Variants in RNF216 observed in about 807,000 individuals in gnomAD.
The protein encoded by RNF216 is ring finger protein 216, also known as E3 ubiquitin-protein ligase RNF216.
A neutral mutation model predicts 110.8 loss-of-function variants in RNF216; 72 were observed. That is an observed-to-expected ratio of 0.65 (90% CI 0.54 to 0.79). The LOEUF (loss-of-function observed/expected upper bound fraction) is 0.79, where lower values mean the gene tolerates loss of function less well. Among genes scored for constraint, RNF216 ranks in the 30% least tolerant of loss-of-function variants. The pLI is 0.00. For synonymous variants in RNF216, 495 were observed against 407.5 expected (o/e 1.21, Z -2.59); for missense variants, 1,342 against 1,141.2 (o/e 1.18, Z -2.54).
intron 13 of RNF216, among the ~76,000 whole-genome samples, chr7:5,706,268 T>C (rs184969748): frequency 6.6e-6 from 1 of 150,676 alleles, no homozygotes. Flanking sequence ...ATACAAAAAC[T>C]ACCCAATTAA....
rs561619816 is a variant in RNF216, at chr7:5,679,259, C to T, written c.2062-26749G>A. On this transcript the variant is annotated intron_variant, in intron 13 of 16. Coordinates refer to ENST00000389902, the MANE Select transcript of RNF216 (RefSeq NM_207111.4). ...ACAAGTGGTGGGACAGGCATCTGAACATGGCCATGCTGCTCCAGCCAGCCC... is the reference window on the plus strand; with the variant it reads ...ACAAGTGGTGGGACAGGCATCTGAATATGGCCATGCTGCTCCAGCCAGCCC... Among the ~76,000 whole-genome samples the T allele has an allele frequency of 7.2e-5, 11 of 152,316 alleles. No individual in the cohort carries two copies. In the South Asian group the frequency reaches 2.3e-3, roughly 32 times the overall value.
chr7:5,676,215 T>C (rs1335015519), intron 13 of RNF216, among the ~76,000 whole-genome samples: 1 of 152,106 alleles, frequency 6.6e-6, no homozygotes, highest in Non-Finnish European at 1.5e-5. Flanking sequence ...TTTTGCCATG[T>C]TGGTCAGGCT....
At chr7:5,769,794 T>C (rs1796398007) in intron 1 of RNF216, among the ~76,000 whole-genome samples, 1 of 151,236 alleles carries the variant, frequency 6.6e-6, no homozygotes, top group African/African-American at 2.4e-5. Context: ...CCCAGCACTT[T>C]GGGAGGCCAA....
chr7:5,655,564 C>A (rs1788687139), intron 13 of RNF216, among the ~76,000 whole-genome samples: 1 of 152,016 alleles, frequency 6.6e-6, no homozygotes, highest in Non-Finnish European at 1.5e-5. Context: ...AGAGATCGCA[C>A]CACTGCACTC....
At chr7:5,723,526 A>AGT (rs1793569898) in intron 8 of RNF216, among the ~76,000 whole-genome samples, 2 of 152,100 alleles carry the variant, frequency 1.3e-5, no homozygotes, top group East Asian at 3.9e-4. Flanking sequence ...GGGCACCTGT[A>AGT]GTCCCAGCTA....
At chr7:5,629,981 C>T (rs892073730) in intron 15 of RNF216, among the ~76,000 whole-genome samples, 13 of 152,104 alleles carry the variant, frequency 8.5e-5, no homozygotes, top group African/African-American at 3.1e-4. Flanking sequence ...CCTCAGGAAA[C>T]ATTCCAGGCA....
Position 5,741,787 on chromosome 7 carries a change from T to G in RNF216, c.230A>C (p.Asn77Thr). 1 of 1,612,708 alleles carries G rather than the reference T, an allele frequency of 6.2e-7. No homozygotes were observed. Among genetic ancestry groups the G allele is most frequent in the Non-Finnish European group, 8.5e-7 (1 of 1,179,622 alleles). ...CCACTGGGCAGCTGGTTTGATGAGA[T>G]TGGGTCGTGATCTCTGAGGTTTATT... ...ETNKPQRSRP[N>T]LIKPAAQWQD... Residue 77 changes from asparagine to threonine, a missense_variant, in exon 4 of 17, where the codon AAT becomes ACT. Asn to Thr is a moderately conservative substitution (Grantham distance 65, BLOSUM62 0). Coordinates refer to ENST00000389902, the MANE Select transcript of RNF216 (RefSeq NM_207111.4).
chr7:5,650,712 G>A (rs573376174), intron 14 of RNF216, among the ~76,000 whole-genome samples: 184 of 152,170 alleles, frequency 1.2e-3, no homozygotes, highest in African/African-American at 4.2e-3. Context: ...TTGACTCTTC[G>A]TCCCACACTA....
At chr7:5,720,604 A>G (rs951965142) in intron 9 of RNF216, among the ~76,000 whole-genome samples, 1 of 152,184 alleles carries the variant, frequency 6.6e-6, no homozygotes, top group Non-Finnish European at 1.5e-5. Context: ...TAGCATAGTT[A>G]TAAGAGGTTT....
chr7:5,703,234 C>T (rs77170567), intron 13 of RNF216, among the ~76,000 whole-genome samples: 261 of 152,298 alleles, frequency 1.7e-3, no homozygotes, highest in Admixed American at 0.013. Flanking sequence ...TTCTTGTCAA[C>T]GCTACTTCCT....
At chr7:5,706,831 G>GA (rs774802705) in intron 13 of RNF216, among the ~76,000 whole-genome samples, 2 of 152,164 alleles carry the variant, frequency 1.3e-5, no homozygotes, top group African/African-American at 2.4e-5. Flanking sequence ...TTATACCCAG[G>GA]AAATCATTGC....
chr7:5,723,443 C>A (rs761174522), intron 8 of RNF216, among the ~76,000 whole-genome samples: 1 of 151,848 alleles, frequency 6.6e-6, no homozygotes, highest in Non-Finnish European at 1.5e-5. Context: ...GTCAGGAGAT[C>A]GAGACCATCC....
At chr7:5,676,156 T>C (rs1055101055) in intron 13 of RNF216, among the ~76,000 whole-genome samples, 2 of 151,832 alleles carry the variant, frequency 1.3e-5, no homozygotes, top group African/African-American at 4.8e-5. Flanking sequence ...ACTACAGGCA[T>C]ATGCCACCAG....
intron 1 of RNF216, among the ~76,000 whole-genome samples, chr7:5,779,828 C>CAA (rs35798344): frequency 0.047 from 2,405 of 51,208 alleles, 100 homozygotes; most frequent in Non-Finnish European, 0.061. Flanking sequence ...GACTCCGCCT[C>CAA]AAAAAAAAAA....
intron 5 of RNF216, 49 bp from the exon 6 acceptor site, chr7:5,730,866 C>T (rs762610415): frequency 2.5e-6 from 4 of 1,576,140 alleles, no homozygotes; most frequent in Non-Finnish European, 3.5e-6. Flanking sequence ...AATCCCACAC[C>T]TGCCCATTGC....
chr7:5,676,936 C>T (rs1330060408), intron 13 of RNF216, among the ~76,000 whole-genome samples: 1 of 152,168 alleles, frequency 6.6e-6, no homozygotes, highest in Non-Finnish European at 1.5e-5. Flanking sequence ...TAACCTCATC[C>T]AAGGCCCATT....
At chr7:5,628,353 G>T (rs73676616) in intron 15 of RNF216, among the ~76,000 whole-genome samples, 1 of 152,152 alleles carries the variant, frequency 6.6e-6, no homozygotes, top group African/African-American at 2.4e-5. Flanking sequence ...TGAGCCAACT[G>T]TCAGTTATAC....
Position 5,622,205 on chromosome 7 carries a change from G to C in RNF216, c.*655C>G, listed in dbSNP as rs1319071938. The C allele has an allele frequency of 6.6e-6, 1 of 152,398 alleles. No individual in the cohort carries two copies. Among genetic ancestry groups the C allele is most frequent in the African/African-American group, 2.4e-5 (1 of 41,474 alleles). The allele number at this position is 152,398 out of a possible 1,614,324, so 9.4% of individuals were successfully genotyped here. A position where few individuals can be genotyped will look rare whatever the true frequency, so the allele number is the denominator to read the frequency against. ...GGATTTCTCAGCCTGACTTTCCAGAGACCGAGGATGAGAAAGTTAGGCGGC... is the reference window on the plus strand; with the variant it reads ...GGATTTCTCAGCCTGACTTTCCAGACACCGAGGATGAGAAAGTTAGGCGGC... On this transcript the variant is annotated 3_prime_UTR_variant, in exon 17 of 17. Transcript: ENST00000389902.
chr7:5,763,407 G>C (rs1698118370), intron 1 of RNF216, among the ~76,000 whole-genome samples: 1 of 152,144 alleles, frequency 6.6e-6, no homozygotes, highest in Admixed American at 6.6e-5. Context: ...GAGGAGGGCA[G>C]ATCATTTGAG....
Sources: allele counts gnomAD v4.1 joint callset (sites outside exome capture counted in the v4.1 genomes callset), GRCh38; gene constraint gnomAD v4.1.1; transcripts MANE v1.5; gene names NCBI Gene and HGNC (gene_info 2026-07-23, HGNC 2026-07-21).